The following NXPH1 variants were observed in gnomAD, a reference collection of about 807,000 sequenced individuals.
NXPH1 encodes the protein neurexophilin 1.
A neutral mutation model predicts 23.7 loss-of-function variants in NXPH1; 5 were observed. The ratio of observed to expected loss-of-function variants is 0.21; its 90% CI spans 0.11 to 0.44. The LOEUF (loss-of-function observed/expected upper bound fraction) is 0.44. NXPH1 is among the 20% of genes least tolerant of loss of function. The probability of loss-of-function intolerance (pLI) is 0.99; values close to 1 mark genes in which losing one functional copy is unlikely to be tolerated. For synonymous variants in NXPH1, 144 were observed against 122.2 expected (o/e 1.18, Z -1.18); for missense variants, 324 against 321.6 (o/e 1.01, Z -0.06).
At chr7:8,631,719 C>T (rs1456783578) in intron 2 of NXPH1, among the ~76,000 whole-genome samples, 1 of 152,156 alleles carries the variant, frequency 6.6e-6, no homozygotes, top group Admixed American at 6.5e-5. Flanking sequence ...CTTGCAGGTG[C>T]TGTGGTCAAC....
intron 2 of NXPH1, among the ~76,000 whole-genome samples, chr7:8,546,623 AACTT>A (rs1230556718): frequency 6.6e-6 from 1 of 151,342 alleles, no homozygotes; most frequent in African/African-American, 2.4e-5. Flanking sequence ...TCAAACCACT[AACTT>A]AGGTTGCAGG....
chr7:8,712,825 C>A (rs1396494369), intron 2 of NXPH1, among the ~76,000 whole-genome samples: 1 of 152,084 alleles, frequency 6.6e-6, no homozygotes. Context: ...TTATCTCTTT[C>A]CTCTTGCTGC....
At position 8,595,121 on chromosome 7, in the gene NXPH1, C is replaced by T. The variant is rs144212680; in HGVS notation, c.55-155887C>T. On this transcript the variant is annotated intron_variant, in intron 2 of 2. Transcript: ENST00000405863. ...ATCATCATAATGTTCTTTGGAAGCA[C>T]ACTTTTATCTGTCTTTTAAAAATGA... is the stretch of plus-strand genomic sequence containing the variant. 2.4e-4 allele frequency among the ~76,000 whole-genome samples: 36 copies of T among 152,066 alleles called. No homozygotes were observed. In the East Asian group the frequency reaches 4.3e-3, roughly 18 times the overall value.
intron 2 of NXPH1, among the ~76,000 whole-genome samples, chr7:8,532,758 C>T (rs1817968524): frequency 6.6e-6 from 1 of 152,122 alleles, no homozygotes; most frequent in African/African-American, 2.4e-5. Flanking sequence ...GACCCTATCA[C>T]TCAAACATTC....
chr7:8,537,138 A>G (rs1369260022), intron 2 of NXPH1, among the ~76,000 whole-genome samples: 2 of 151,728 alleles, frequency 1.3e-5, no homozygotes, highest in Admixed American at 6.6e-5. Flanking sequence ...TGTACTCCTT[A>G]TTTCTGGAGT....
chr7:8,657,207 A>C (rs1190273841), intron 2 of NXPH1, among the ~76,000 whole-genome samples: 1 of 152,248 alleles, frequency 6.6e-6, no homozygotes, highest in Non-Finnish European at 1.5e-5. Context: ...ATTCTGAATT[A>C]AAAGAGCAAA....
intron 2 of NXPH1, among the ~76,000 whole-genome samples, chr7:8,746,815 T>A (rs1180850973): frequency 1.3e-5 from 2 of 151,994 alleles, no homozygotes; most frequent in Non-Finnish European, 2.9e-5. Context: ...TAAAACTTTA[T>A]GCTCATTTTC....
chr7:8,611,423 C>T (rs894889102), intron 2 of NXPH1, among the ~76,000 whole-genome samples: 1 of 151,976 alleles, frequency 6.6e-6, no homozygotes, highest in African/African-American at 2.4e-5. Context: ...TGCTAAAGAC[C>T]AAATCTCTGA....
chr7:8,698,791 G>A (rs1779576196), intron 2 of NXPH1, among the ~76,000 whole-genome samples: 1 of 152,062 alleles, frequency 6.6e-6, no homozygotes, highest in Non-Finnish European at 1.5e-5. Flanking sequence ...AATTAGAATT[G>A]GTAGTCTCTT....
chr7:8,660,781 A>C (rs1185335492), intron 2 of NXPH1, among the ~76,000 whole-genome samples: 1 of 152,200 alleles, frequency 6.6e-6, no homozygotes, highest in South Asian at 2.1e-4. Flanking sequence ...TTAATTTTTT[A>C]TGACACTGTA....
intron 2 of NXPH1, among the ~76,000 whole-genome samples, chr7:8,482,266 C>G (rs116508591): frequency 0.02 from 3,038 of 152,264 alleles, 110 homozygotes; most frequent in African/African-American, 0.07. Context: ...TCAGCAGTGC[C>G]AAAACACAGC....
chr7:8,739,200 A>AAAAAAAC (rs1780319099), intron 2 of NXPH1, among the ~76,000 whole-genome samples: 1 of 147,776 alleles, frequency 6.8e-6, no homozygotes. Context: ...AAAAAAAAAA[A>AAAAAAAC]AAAACCCTGC....
chr7:8,664,099 A>G (rs1334426197), intron 2 of NXPH1, among the ~76,000 whole-genome samples: 1 of 152,008 alleles, frequency 6.6e-6, no homozygotes, highest in Non-Finnish European at 1.5e-5. Flanking sequence ...TCTATCCCTA[A>G]CACATTTTCT....
At chr7:8,533,345 G>C (rs1373839763) in intron 2 of NXPH1, among the ~76,000 whole-genome samples, 1 of 151,960 alleles carries the variant, frequency 6.6e-6, no homozygotes, top group African/African-American at 2.4e-5. Context: ...ATTAGTGAAA[G>C]GACTCTTAAC....
intron 2 of NXPH1, among the ~76,000 whole-genome samples, chr7:8,525,048 G>T (rs1479507479): frequency 3.3e-5 from 5 of 152,182 alleles, no homozygotes; most frequent in Non-Finnish European, 7.4e-5. Context: ...GAAGAAGACA[G>T]GAAAATGTGG....
intron 2 of NXPH1, among the ~76,000 whole-genome samples, chr7:8,643,436 T>G (rs1820348637): frequency 6.6e-6 from 1 of 152,232 alleles, no homozygotes; most frequent in Admixed American, 6.5e-5. Context: ...ATAGGTGTTC[T>G]AAAGTTACCT....
intron 2 of NXPH1, among the ~76,000 whole-genome samples, chr7:8,513,124 C>T (rs964858419): frequency 2.0e-5 from 3 of 151,868 alleles, no homozygotes; most frequent in African/African-American, 7.3e-5. Context: ...GGAAAAGTGC[C>T]CAACTACCCA....
chr7:8,700,740 C>T (rs1779612367), intron 2 of NXPH1, among the ~76,000 whole-genome samples: 1 of 152,078 alleles, frequency 6.6e-6, no homozygotes. Context: ...CACCTGCCTT[C>T]TGGACATCTT....
intron 2 of NXPH1, among the ~76,000 whole-genome samples, chr7:8,536,751 G>C (rs1818033868): frequency 6.6e-6 from 1 of 151,940 alleles, no homozygotes; most frequent in Non-Finnish European, 1.5e-5. Flanking sequence ...AAGAGAATAT[G>C]GTGGCTTAGA....
Sources: gnomAD v4.1 joint callset for allele counts (sites outside exome capture counted in the v4.1 genomes callset) on GRCh38, gnomAD v4.1.1 for gene constraint, MANE v1.5 for transcripts, NCBI Gene and HGNC (gene_info 2026-07-23, HGNC 2026-07-21) for gene names.